FAM110B: variants seen among roughly 807,000 people sequenced by gnomAD.
The protein encoded by FAM110B is family with sequence similarity 110 member B.
A neutral mutation model predicts 20.4 loss-of-function variants in FAM110B; 6 were observed. That is an observed-to-expected ratio of 0.29 (90% CI 0.16 to 0.58). FAM110B has a LOEUF of 0.58. Ranked by LOEUF, FAM110B falls within the 20% of genes least tolerant of loss-of-function variation. The probability of loss-of-function intolerance (pLI) is 0.90; values close to 1 mark genes in which losing one functional copy is unlikely to be tolerated. For missense variants in FAM110B, 434 were observed against 498.2 expected, an observed-to-expected ratio of 0.87 and a Z score of 1.23; for synonymous variants, 226 against 214.1, an observed-to-expected ratio of 1.06 and a Z score of -0.49.
chr8:57,998,457 A>G (rs1804228682), intron 1 of FAM110B, among the ~76,000 whole-genome samples: 1 of 152,214 alleles, frequency 6.6e-6, no homozygotes, highest in Non-Finnish European at 1.5e-5. Flanking sequence ...GATTATGATG[A>G]TTTTGGAAAC....
At chr8:58,055,463 A>G (rs1194294138) in intron 2 of FAM110B, among the ~76,000 whole-genome samples, 1 of 152,140 alleles carries the variant, frequency 6.6e-6, no homozygotes, top group African/African-American at 2.4e-5. Context: ...CTCCTGATCT[A>G]CAGATTATGT....
Position 58,116,135 on chromosome 8 carries a change from A to G in FAM110B, c.-324-29772A>G, listed in dbSNP as rs117089477. On this transcript the variant is annotated intron_variant, in intron 3 of 3. Transcript: ENST00000519262. ...GCATGCCTGGTAACCAATTGGCTGT[A>G]CTTTTAAAATATATTCAGAAAACAA... Among the ~76,000 whole-genome samples, 386 of 152,344 alleles carry G rather than the reference A, an allele frequency of 2.5e-3. 2 individuals carry two copies. Among genetic ancestry groups the G allele is most frequent in the East Asian group, 0.011 (57 of 5,180 alleles).
intron 3 of FAM110B, among the ~76,000 whole-genome samples, chr8:58,099,478 C>T (rs981105046): frequency 5.9e-5 from 9 of 151,988 alleles, no homozygotes; most frequent in African/African-American, 1.4e-4. Context: ...AAATTAAACA[C>T]GTTTAACTTC....
intron 2 of FAM110B, chr8:58,032,223 C>G (rs1292298073): frequency 6.6e-6 from 1 of 152,248 alleles, no homozygotes; most frequent in East Asian, 1.9e-4. Context: ...CATTTAACTT[C>G]CCCAATTGGG....
intron 3 of FAM110B, among the ~76,000 whole-genome samples, chr8:58,125,675 G>A (rs958321740): frequency 1.3e-5 from 2 of 152,174 alleles, no homozygotes; most frequent in South Asian, 4.1e-4. Context: ...TATGACAAAT[G>A]TGAGAGCCCA....
At chr8:58,052,054 T>C (rs1179311613) in intron 2 of FAM110B, among the ~76,000 whole-genome samples, 1 of 152,252 alleles carries the variant, frequency 6.6e-6, no homozygotes, top group Non-Finnish European at 1.5e-5. Flanking sequence ...GTTTGGCTTT[T>C]ACTTCCTTTT....
chr8:58,074,727 T>C (rs554332786), intron 2 of FAM110B, among the ~76,000 whole-genome samples: 11 of 152,272 alleles, frequency 7.2e-5, no homozygotes, highest in African/African-American at 2.2e-4. Context: ...TGAACGGTGC[T>C]CCTGGGGCAA....
At chr8:58,001,039 A>G (rs1804284557) in intron 1 of FAM110B, among the ~76,000 whole-genome samples, 1 of 152,216 alleles carries the variant, frequency 6.6e-6, no homozygotes, top group Non-Finnish European at 1.5e-5. Flanking sequence ...CCAACCTGCA[A>G]CATGCACCCG....
intron 3 of FAM110B, among the ~76,000 whole-genome samples, chr8:58,085,789 G>A (rs190507990): frequency 6.8e-4 from 104 of 152,210 alleles, no homozygotes; most frequent in African/African-American, 2.3e-3. Context: ...AAGTTTTTGC[G>A]GGGTGGTTTA....
At chr8:58,029,538 ATT>A (rs142791553) in intron 1 of FAM110B, among the ~76,000 whole-genome samples, 3,022 of 150,372 alleles carry the variant, frequency 0.02, 110 homozygotes, top group African/African-American at 0.069. Flanking sequence ...ATTAGAAATG[ATT>A]TTTTTTTTGT....
chr8:58,111,191 A>G (rs139646318), intron 3 of FAM110B, among the ~76,000 whole-genome samples: 6 of 152,328 alleles, frequency 3.9e-5, no homozygotes, highest in African/African-American at 1.4e-4. Flanking sequence ...TTCCAAATAC[A>G]CACATTTATT....
intron 1 of FAM110B, among the ~76,000 whole-genome samples, chr8:58,000,349 G>A (rs1240618629): frequency 6.6e-6 from 1 of 152,254 alleles, no homozygotes; most frequent in Non-Finnish European, 1.5e-5. Context: ...GTTCTTTTAT[G>A]TTACTTATGA....
At chr8:58,104,482 T>C (rs1242547763) in intron 3 of FAM110B, among the ~76,000 whole-genome samples, 1 of 151,948 alleles carries the variant, frequency 6.6e-6, no homozygotes, top group Non-Finnish European at 1.5e-5. Flanking sequence ...GATTAAAATA[T>C]AGTGATTGTA....
At chr8:58,042,783 A>G (rs1207462063) in intron 2 of FAM110B, among the ~76,000 whole-genome samples, 3 of 152,242 alleles carry the variant, frequency 2.0e-5, no homozygotes, top group East Asian at 1.9e-4. Flanking sequence ...CTGCTTATCA[A>G]ATCTCCTGGA....
chr8:58,116,544 A>T (rs1252709568), intron 3 of FAM110B, among the ~76,000 whole-genome samples: 1 of 152,210 alleles, frequency 6.6e-6, no homozygotes, highest in Non-Finnish European at 1.5e-5. Flanking sequence ...GACAGATAGA[A>T]CAATGCCTGA....
intron 2 of FAM110B, among the ~76,000 whole-genome samples, chr8:58,067,994 A>G (rs1805807104): frequency 6.6e-6 from 1 of 152,230 alleles, no homozygotes; most frequent in Non-Finnish European, 1.5e-5. Flanking sequence ...TTCTTTTAGA[A>G]AGTGTCTGTT....
intron 2 of FAM110B, among the ~76,000 whole-genome samples, chr8:58,045,117 A>G (rs181658694): frequency 1.7e-4 from 24 of 143,424 alleles, no homozygotes; most frequent in Admixed American, 1.6e-3. Context: ...CTCTGCAATT[A>G]TGATGGTTAT....
At position 58,059,583 on chromosome 8, in the gene FAM110B, T is replaced by C. The variant is rs545280182; in HGVS notation, c.-413-15952T>C. On this transcript the variant is annotated intron_variant, in intron 2 of 3. Coordinates refer to ENST00000519262, the MANE Select transcript of FAM110B (RefSeq NM_001377989.1). ...TGTCTGTTCAAGTCTTTTGCCCCCT[T>C]TTTAAGTTGGATTGCTGTTCTTTTG... Among the ~76,000 whole-genome samples, 6 of 152,168 alleles carry C rather than the reference T, an allele frequency of 3.9e-5. No individual in the cohort carries two copies. In the South Asian group the frequency reaches 1.2e-3, roughly 32 times the overall value.
At chr8:58,125,727 A>T (rs915335497) in intron 3 of FAM110B, among the ~76,000 whole-genome samples, 1 of 152,318 alleles carries the variant, frequency 6.6e-6, no homozygotes, top group South Asian at 2.1e-4. Flanking sequence ...AAACATGTCA[A>T]TTTACATTGT....
Sources: allele counts gnomAD v4.1 joint callset (sites outside exome capture counted in the v4.1 genomes callset), GRCh38; gene constraint gnomAD v4.1.1; transcripts MANE v1.5; gene names NCBI Gene and HGNC (gene_info 2026-07-23, HGNC 2026-07-21).